The following ARHGAP28 variants were observed in gnomAD, a reference collection of about 807,000 sequenced individuals.
ARHGAP28 encodes the protein rho GTPase-activating protein 28.
Under a neutral mutation model 90.7 loss-of-function variants are expected in ARHGAP28, and 56 were observed. The ratio of observed to expected loss-of-function variants is 0.62; its 90% CI spans 0.50 to 0.77. ARHGAP28 has a LOEUF of 0.77. ARHGAP28 is among the 30% of genes least tolerant of loss of function. The pLI is 0.00. For synonymous variants in ARHGAP28, 308 were observed against 323.3 expected, an observed-to-expected ratio of 0.95 and a Z score of 0.51; for missense variants, 869 against 900.9, an observed-to-expected ratio of 0.96 and a Z score of 0.45.
At chr18:6,835,524 C>T (rs2056746773) in intron 2 of ARHGAP28, among the ~76,000 whole-genome samples, 1 of 152,154 alleles carries the variant, frequency 6.6e-6, no homozygotes. Flanking sequence ...TTTGTTTATA[C>T]ACCAGTGATG....
chr18:6,912,240 G>C lies in ARHGAP28; in HGVS notation c.*86G>C, dbSNP rs183333296. ...GGGAAAAAACAACACTGTGTTTGAC[G>C]TATTTGTTCCTACAGCATTCTCAGT... is the stretch of plus-strand genomic sequence containing the variant. On this transcript the variant is annotated 3_prime_UTR_variant, in exon 18 of 18. Transcript: ENST00000383472. 1.4e-6 allele frequency: 1 copy of C among 719,734 alleles called. No individual in the cohort carries two copies. The highest frequency in any genetic ancestry group is 2.3e-5 in the South Asian group (1 of 42,676). The allele number at this position is 719,734 out of a possible 1,614,324, so 44.6% of individuals were successfully genotyped here.
At chr18:6,859,781 GA>G (rs1489188258) in intron 4 of ARHGAP28, 26 bp from the exon 5 acceptor site, 1 of 1,603,034 alleles carries the variant, frequency 6.2e-7, no homozygotes, top group Admixed American at 1.7e-5. Flanking sequence ...GCCTGAATAA[GA>G]ATGGTACTTT....
intron 5 of ARHGAP28, among the ~76,000 whole-genome samples, chr18:6,867,303 A>G (rs943245988): frequency 6.6e-6 from 1 of 152,220 alleles, no homozygotes; most frequent in African/African-American, 2.4e-5. Flanking sequence ...AAGAAATATG[A>G]GAATAAAAAA....
intron 16 of ARHGAP28, among the ~76,000 whole-genome samples, chr18:6,908,268 G>A (rs2057375092): frequency 6.6e-6 from 1 of 152,040 alleles, no homozygotes; most frequent in South Asian, 2.1e-4. Context: ...CTCCTGGGTA[G>A]CTGGAACTAC....
intron 1 of ARHGAP28, among the ~76,000 whole-genome samples, chr18:6,823,536 C>T (rs184484570): frequency 2.2e-4 from 33 of 151,740 alleles, no homozygotes; most frequent in Admixed American, 2.0e-3. Context: ...ACTTTGAGTC[C>T]CTGCTCTCAA....
At position 6,882,223 on chromosome 18, in the gene ARHGAP28, G is replaced by A. The variant is rs917287052; in HGVS notation, c.1377G>A (p.Leu459=). 6.8e-6 allele frequency: 11 copies of A among 1,613,938 alleles called. No homozygotes were observed. The highest frequency in any genetic ancestry group is 1.3e-5 in the African/African-American group (1 of 74,916). ...KMCHREAAVM[L]KAFFRELPTS... ...GCCATAGAGAAGCTGCAGTAATGTT[G>A]AAAGCGTTTTTCAGAGAACTACCCA... Residue 459 remains leucine (L), a synonymous_variant, in exon 11 of 18, where the codon TTG becomes TTA. Coordinates refer to ENST00000383472, the MANE Select transcript of ARHGAP28 (RefSeq NM_001366230.1).
intron 2 of ARHGAP28, among the ~76,000 whole-genome samples, chr18:6,834,135 T>G (rs901425381): frequency 2.0e-5 from 3 of 149,118 alleles, no homozygotes; most frequent in Non-Finnish European, 4.5e-5. Flanking sequence ...AATAGAGCAC[T>G]CTGGAAGGTG....
intron 1 of ARHGAP28, among the ~76,000 whole-genome samples, chr18:6,779,858 A>G (rs1036291127): frequency 2.0e-5 from 3 of 152,236 alleles, no homozygotes; most frequent in Admixed American, 6.5e-5. Context: ...AAGAAATTCA[A>G]CCATCCTGCT....
rs536392820 is a variant in ARHGAP28 at position 6,785,070 on chromosome 18, C to T, written c.123-39692C>T. Among the ~76,000 whole-genome samples, 54 of 152,208 alleles carry T rather than the reference C, an allele frequency of 3.5e-4. 1 individual carries two copies. In the South Asian group the frequency reaches 0.011, roughly 31 times the overall value. On this transcript the variant is annotated intron_variant, in intron 1 of 17. Coordinates refer to ENST00000383472, the MANE Select transcript of ARHGAP28 (RefSeq NM_001366230.1). The stretch of plus-strand genomic sequence containing the variant: ...ACCAAAAGATTCCCTCATAAGCTGT[C>T]TTTGGAATTAATTTCAGTGCTTGTT...
In ARHGAP28 at chr18:6,872,567, T is replaced by G. The variant is rs560569239; in HGVS notation, c.955-842T>G. Reference sequence around the variant, plus strand: ...AGTGTTTATAATTTAATCTATGGGGTTTTTTTTGTTTTACTTCAGCATTTT... The same window carrying G: ...AGTGTTTATAATTTAATCTATGGGGGTTTTTTTGTTTTACTTCAGCATTTT... On this transcript the variant is annotated intron_variant, in intron 7 of 17. Coordinates refer to ENST00000383472, the MANE Select transcript of ARHGAP28 (RefSeq NM_001366230.1). 4.2e-4 allele frequency among the ~76,000 whole-genome samples: 64 copies of G among 151,552 alleles called. 2 individuals carry two copies. In the South Asian group the frequency reaches 0.011, roughly 26 times the overall value.
chr18:6,729,944 GT>G lies in ARHGAP28; in HGVS notation c.122+2del. The stretch of plus-strand genomic sequence containing the variant: ...CCGCAGCCAGCCACCCGCTCAGCAG[GT>G]ACCCGGAGCCGCTCCCACCAGGGCG... On this transcript the variant is annotated splice_donor_variant, in intron 1 of 17. Transcript: ENST00000383472. LOFTEE classifies it high-confidence loss of function. 1 of 1,369,828 alleles carries G rather than the reference GT, an allele frequency of 7.3e-7. No homozygotes were observed. Among genetic ancestry groups the G allele is most frequent in the Non-Finnish European group, 9.4e-7 (1 of 1,066,078 alleles). 84.9% of individuals were successfully genotyped at this position (1,369,828 alleles called of 1,614,324 possible).
intron 3 of ARHGAP28, among the ~76,000 whole-genome samples, chr18:6,839,686 A>T (rs2056789503): frequency 6.6e-6 from 1 of 152,234 alleles, no homozygotes; most frequent in Non-Finnish European, 1.5e-5. Context: ...GAAAGGAAAG[A>T]GGAAAGCAAA....
chr18:6,876,176 TTTCG>T lies in ARHGAP28; in HGVS notation c.1259_1262del (p.Phe420TyrfsTer37). On this transcript the variant is annotated frameshift_variant, in exon 10 of 18. Coordinates refer to ENST00000383472, the MANE Select transcript of ARHGAP28 (RefSeq NM_001366230.1). LOFTEE classifies it high-confidence loss of function. ...ATCAGGTCTGGAATCTGAAGGAATT[TTTCG>T]ACTTTCAGGATGTACTGCTAAAGTC... 1 of 1,614,076 alleles carries T rather than the reference TTTCG, an allele frequency of 6.2e-7. No individual in the cohort carries two copies. The highest frequency in any genetic ancestry group is 8.5e-7 in the Non-Finnish European group (1 of 1,179,980).
At chr18:6,814,561 G>T (rs1405421257) in intron 1 of ARHGAP28, among the ~76,000 whole-genome samples, 1 of 152,176 alleles carries the variant, frequency 6.6e-6, no homozygotes, top group Non-Finnish European at 1.5e-5. Flanking sequence ...GGGGCTAAAT[G>T]GCTGCATTCC....
intron 1 of ARHGAP28, among the ~76,000 whole-genome samples, chr18:6,818,980 G>T (rs1329627036): frequency 6.6e-6 from 1 of 152,222 alleles, no homozygotes; most frequent in East Asian, 1.9e-4. Flanking sequence ...CCATTGCTGT[G>T]CAATGAGACG....
At chr18:6,753,953 A>T (rs1458471897) in intron 1 of ARHGAP28, among the ~76,000 whole-genome samples, 1 of 152,228 alleles carries the variant, frequency 6.6e-6, no homozygotes, top group Non-Finnish European at 1.5e-5. Flanking sequence ...CTGCACTAGC[A>T]CATTTCTTCT....
rs183173305 is a variant in ARHGAP28, at chr18:6,807,840, C to G, written c.123-16922C>G. Among the ~76,000 whole-genome samples the G allele has an allele frequency of 8.4e-3, 1,272 of 152,304 alleles. 9 individuals are homozygous for G. The highest frequency in any genetic ancestry group is 0.015 in the Admixed American group (237 of 15,304). On this transcript the variant is annotated intron_variant, in intron 1 of 17. Transcript: ENST00000383472. ...TGTGAGCTCCAGGGCTTCCTTGATTCCCAGCTCCATTTCCTAAACTCAGAC... is the reference window on the plus strand; with the variant it reads ...TGTGAGCTCCAGGGCTTCCTTGATTGCCAGCTCCATTTCCTAAACTCAGAC...
At chr18:6,781,695 A>G (rs1477415749) in intron 1 of ARHGAP28, among the ~76,000 whole-genome samples, 1 of 152,190 alleles carries the variant, frequency 6.6e-6, no homozygotes, top group Non-Finnish European at 1.5e-5. Context: ...CACCTGACAC[A>G]CTGTGGCATT....
chr18:6,887,657 A>G (rs1327344522), intron 12 of ARHGAP28, among the ~76,000 whole-genome samples: 1 of 152,096 alleles, frequency 6.6e-6, no homozygotes, highest in Non-Finnish European at 1.5e-5. Flanking sequence ...TCCAGGGCTC[A>G]AGTGATCCTC....
Sources: gnomAD v4.1 joint callset for allele counts (sites outside exome capture counted in the v4.1 genomes callset) on GRCh38, gnomAD v4.1.1 for gene constraint, MANE v1.5 for transcripts, NCBI Gene and HGNC (gene_info 2026-07-23, HGNC 2026-07-21) for gene names.